RORA: variants seen among roughly 807,000 people sequenced by gnomAD.
The protein encoded by RORA is RAR related orphan receptor A.
In RORA, 7 loss-of-function variants were observed where a neutral mutation model predicts 69.5. That is an observed-to-expected ratio of 0.10 (90% CI 0.06 to 0.19). The LOEUF (loss-of-function observed/expected upper bound fraction) is 0.19. Among genes scored for constraint, RORA ranks in the 10% least tolerant of loss-of-function variants. RORA has a pLI of 1.00. For missense variants in RORA, 457 were observed against 663.0 expected, an observed-to-expected ratio of 0.69 and a Z score of 3.41; for synonymous variants, 261 against 240.8, an observed-to-expected ratio of 1.08 and a Z score of -0.78.
intron 1 of RORA, among the ~76,000 whole-genome samples, chr15:60,969,770 C>G (rs1391239058): frequency 6.6e-6 from 1 of 152,176 alleles, no homozygotes; most frequent in Non-Finnish European, 1.5e-5. Context: ...TGAGTTCCTG[C>G]TCCAACACTT....
chr15:61,145,038 T>C (rs759803931), intron 1 of RORA, among the ~76,000 whole-genome samples: 14 of 152,232 alleles, frequency 9.2e-5, no homozygotes, highest in Non-Finnish European at 5.9e-5. Context: ...TATACGCCTC[T>C]ATCTAAAAGA....
intron 2 of RORA, among the ~76,000 whole-genome samples, chr15:60,641,282 C>G (rs1034787695): frequency 6.6e-6 from 1 of 151,958 alleles, no homozygotes; most frequent in South Asian, 2.1e-4. Flanking sequence ...CTGAGTAAAC[C>G]TAGAACAATG....
At chr15:61,065,814 C>G (rs536000087) in intron 1 of RORA, among the ~76,000 whole-genome samples, 1 of 152,144 alleles carries the variant, frequency 6.6e-6, no homozygotes, top group South Asian at 2.1e-4. Flanking sequence ...ATTGCATAAC[C>G]CCTAACTTTC....
At chr15:60,935,962 G>T (rs1310942667) in intron 1 of RORA, among the ~76,000 whole-genome samples, 1 of 152,240 alleles carries the variant, frequency 6.6e-6, no homozygotes, top group East Asian at 1.9e-4. Context: ...ATCTCTTTGA[G>T]TTGGGCAAAC....
At chr15:60,863,914 C>A (rs183905943) in intron 1 of RORA, among the ~76,000 whole-genome samples, 1 of 151,888 alleles carries the variant, frequency 6.6e-6, no homozygotes, top group Admixed American at 6.6e-5. Context: ...TCAAGCAATT[C>A]TTCTTCCTCA....
At chr15:60,794,230 A>T (rs945359641) in intron 1 of RORA, among the ~76,000 whole-genome samples, 1 of 152,200 alleles carries the variant, frequency 6.6e-6, no homozygotes, top group African/African-American at 2.4e-5. Flanking sequence ...AGAAAATCTC[A>T]AAGCCCAACA....
chr15:61,036,382 G>A (rs11071585), intron 1 of RORA, among the ~76,000 whole-genome samples: 24,295 of 152,110 alleles, frequency 0.16, 3,067 homozygotes, highest in East Asian at 0.5. Flanking sequence ...ACTATAGGGC[G>A]GAAAGCACAA....
chr15:60,925,301 A>G (rs1400314717), intron 1 of RORA, among the ~76,000 whole-genome samples: 3 of 152,110 alleles, frequency 2.0e-5, no homozygotes, highest in Non-Finnish European at 4.4e-5. Flanking sequence ...TGTCACCTTC[A>G]GACTATCTAT....
chr15:60,897,312 T>C (rs990437805), intron 1 of RORA, among the ~76,000 whole-genome samples: 7 of 152,322 alleles, frequency 4.6e-5, no homozygotes, highest in African/African-American at 1.7e-4. Flanking sequence ...ACTCATTATC[T>C]CAAAAATGAC....
rs889771577 is a variant in RORA, at chr15:60,746,533, C to T, written c.167-67847G>A. Among the ~76,000 whole-genome samples, 3 of 152,282 alleles carry T rather than the reference C, an allele frequency of 2.0e-5. No individual in the cohort carries two copies. In the East Asian group the frequency reaches 5.8e-4, roughly 29 times the overall value. ...GGGAGAGAAAAAAAAACATTCTGAC[C>T]TTCAACTACCTGTGATCAATGATGC... On this transcript the variant is annotated intron_variant, in intron 1 of 10. Coordinates refer to ENST00000335670, the MANE Select transcript of RORA (RefSeq NM_134261.3).
intron 1 of RORA, among the ~76,000 whole-genome samples, chr15:61,052,622 A>G (rs575263758): frequency 1.3e-5 from 2 of 152,308 alleles, no homozygotes; most frequent in Admixed American, 6.5e-5. Context: ...CACATCACCA[A>G]TTCTGTGGGA....
chr15:60,973,156 A>G (rs1893771891), intron 1 of RORA, among the ~76,000 whole-genome samples: 1 of 152,154 alleles, frequency 6.6e-6, no homozygotes, highest in African/African-American at 2.4e-5. Flanking sequence ...AGACGTTGAA[A>G]AAAGAGGTAG....
chr15:61,091,493 C>G (rs1330396480), intron 1 of RORA, among the ~76,000 whole-genome samples: 3 of 152,208 alleles, frequency 2.0e-5, no homozygotes, highest in Non-Finnish European at 4.4e-5. Context: ...CAGGGCTTGG[C>G]ACACACACTC....
intron 1 of RORA, among the ~76,000 whole-genome samples, chr15:60,830,331 C>T (rs959969555): frequency 5.9e-5 from 9 of 152,148 alleles, no homozygotes; most frequent in African/African-American, 2.2e-4. Flanking sequence ...TAATTTTCTG[C>T]CACTGTTTTT....
intron 1 of RORA, among the ~76,000 whole-genome samples, chr15:60,907,809 C>T (rs1291442582): frequency 3.3e-5 from 5 of 152,174 alleles, no homozygotes; most frequent in Admixed American, 1.3e-4. Flanking sequence ...GCAAGGCTGC[C>T]CCGCTTGTCA....
intron 1 of RORA, among the ~76,000 whole-genome samples, chr15:60,815,916 TATAGTGTATATATACTATAA>T (rs1460846994): frequency 0.015 from 1,989 of 129,378 alleles, 134 homozygotes; most frequent in African/African-American, 0.054. Flanking sequence ...ATTTATAAAC[TATAGTGTATATATACTATAA>T]ATAGTGTATA....
intron 2 of RORA, among the ~76,000 whole-genome samples, chr15:60,638,626 G>T (rs183621946): frequency 6.6e-6 from 1 of 152,042 alleles, no homozygotes; most frequent in Non-Finnish European, 1.5e-5. Context: ...CTTTTCCTCC[G>T]AATAAGATTT....
intron 1 of RORA, among the ~76,000 whole-genome samples, chr15:60,883,990 G>C (rs1356169859): frequency 6.6e-6 from 1 of 152,180 alleles, no homozygotes; most frequent in Non-Finnish European, 1.5e-5. Context: ...TTCTCCCACT[G>C]GTAACACCAA....
intron 2 of RORA, among the ~76,000 whole-genome samples, chr15:60,654,730 G>C (rs72748772): frequency 0.16 from 23,684 of 152,138 alleles, 2,072 homozygotes; most frequent in Middle Eastern, 0.28. Context: ...AACACAGAAG[G>C]TGATGTGACC....
Sources: allele counts gnomAD v4.1 joint callset (sites outside exome capture counted in the v4.1 genomes callset), GRCh38; gene constraint gnomAD v4.1.1; transcripts MANE v1.5; gene names NCBI Gene and HGNC (gene_info 2026-07-23, HGNC 2026-07-21).